Variants in NAV3 observed in about 807,000 individuals in gnomAD.
NAV3 encodes the protein neuron navigator 3, also known as pore membrane and/or filament interacting like protein 1.
NAV3 carries 87 observed loss-of-function variants against 244.7 expected under a neutral mutation model. The ratio of observed to expected loss-of-function variants is 0.36; its 90% CI spans 0.30 to 0.42. The LOEUF is 0.42. Among genes scored for constraint, NAV3 ranks in the 20% least tolerant of loss-of-function variants. The pLI is 1.00. For missense variants in NAV3, 2,663 were observed against 2,893.3 expected, an observed-to-expected ratio of 0.92 and a Z score of 1.83; for synonymous variants, 1,126 against 1,042.2, an observed-to-expected ratio of 1.08 and a Z score of -1.55.
At chr12:78,097,161 A>G (rs1173488062) in intron 12 of NAV3, among the ~76,000 whole-genome samples, 1 of 152,136 alleles carries the variant, frequency 6.6e-6, no homozygotes, top group Non-Finnish European at 1.5e-5. Flanking sequence ...CAATGAGGAG[A>G]CTGCCTGGAA....
At chr12:78,079,316 G>GA (rs563737685) in intron 12 of NAV3, among the ~76,000 whole-genome samples, 202 of 152,018 alleles carry the variant, frequency 1.3e-3, no homozygotes, top group African/African-American at 4.6e-3. Context: ...AAATGCCTTG[G>GA]AAAAAAATAG....
At chr12:78,011,507 G>C (rs1272001665) in intron 8 of NAV3, among the ~76,000 whole-genome samples, 1 of 152,096 alleles carries the variant, frequency 6.6e-6, no homozygotes, top group East Asian at 1.9e-4. Flanking sequence ...GCATCACCAA[G>C]AAGTTAAGAT....
chr12:77,894,109 C>G (rs963752947), intron 1 of NAV3, among the ~76,000 whole-genome samples: 5 of 152,164 alleles, frequency 3.3e-5, no homozygotes, highest in Admixed American at 6.6e-5. Flanking sequence ...TACCTCCTGA[C>G]TTCCAGAAAC....
At chr12:77,625,592 A>T (rs2136893051) in intron 2 of NAV3, among the ~76,000 whole-genome samples, 1 of 152,308 alleles carries the variant, frequency 6.6e-6, no homozygotes, top group African/African-American at 2.4e-5. Flanking sequence ...CCAAGGAATG[A>T]TCCACCTCAT....
intron 1 of NAV3, among the ~76,000 whole-genome samples, chr12:77,921,150 A>G (rs1887674100): frequency 6.6e-6 from 1 of 152,048 alleles, no homozygotes; most frequent in African/African-American, 2.4e-5. Flanking sequence ...TAGGGTAACT[A>G]TTTTGAGGAA....
chr12:77,977,716 A>ACG (rs1565980870), intron 5 of NAV3, among the ~76,000 whole-genome samples: 3 of 138,590 alleles, frequency 2.2e-5, no homozygotes, highest in Non-Finnish European at 3.2e-5. Flanking sequence ...ACACGCGCAC[A>ACG]CACACACACA....
At chr12:77,641,911 A>G (rs559403599) in intron 2 of NAV3, among the ~76,000 whole-genome samples, 8 of 152,250 alleles carry the variant, frequency 5.3e-5, no homozygotes, top group East Asian at 3.9e-4. Flanking sequence ...CATTCTCCCA[A>G]TGAAATGCAT....
intron 17 of NAV3, 107 bp downstream of exon 17, chr12:78,127,315 G>A (rs1955955117): frequency 1.8e-6 from 2 of 1,113,678 alleles, no homozygotes; most frequent in Admixed American, 2.1e-5. Context: ...ATGACATTGA[G>A]GACGAAATCA....
intron 3 of NAV3, among the ~76,000 whole-genome samples, chr12:77,956,970 T>C (rs1891423682): frequency 6.6e-6 from 1 of 152,152 alleles, no homozygotes; most frequent in African/African-American, 2.4e-5. Flanking sequence ...CTCAGACTCC[T>C]GACCTCAGGT....
intron 33 of NAV3, among the ~76,000 whole-genome samples, chr12:78,189,654 A>T (rs1276199603): frequency 6.6e-6 from 1 of 151,750 alleles, no homozygotes; most frequent in Non-Finnish European, 1.5e-5. Context: ...TAACAAAGAT[A>T]ATCATCTTCA....
intron 11 of NAV3, among the ~76,000 whole-genome samples, chr12:78,056,593 G>A (rs1290421188): frequency 6.6e-6 from 1 of 152,090 alleles, no homozygotes; most frequent in Admixed American, 6.6e-5. Context: ...GCTGGGCATG[G>A]TGGTGCACAC....
At chr12:77,774,938 A>C (rs905111578) in intron 2 of NAV3, among the ~76,000 whole-genome samples, 1 of 152,210 alleles carries the variant, frequency 6.6e-6, no homozygotes, top group African/African-American at 2.4e-5. Context: ...GTGTCGTCCC[A>C]TGAGGACCCA....
chr12:77,857,702 A>G (rs1211746565), intron 1 of NAV3, among the ~76,000 whole-genome samples: 2 of 151,936 alleles, frequency 1.3e-5, no homozygotes, highest in Non-Finnish European at 2.9e-5. Flanking sequence ...CCTCAAAAGA[A>G]TTAATGATAT....
chr12:78,025,120 C>A (rs758554076), intron 9 of NAV3, among the ~76,000 whole-genome samples: 4 of 152,176 alleles, frequency 2.6e-5, no homozygotes, highest in African/African-American at 4.8e-5. Context: ...AGCCCCACTT[C>A]TCCACTGGAA....
At chr12:77,953,308 T>G (rs17817928) in intron 3 of NAV3, among the ~76,000 whole-genome samples, 27,184 of 152,110 alleles carry the variant, frequency 0.18, 3,146 homozygotes, top group Admixed American at 0.28. Context: ...AGCATACATG[T>G]GTTTATAGAG....
chr12:77,652,794 C>G (rs1160474815), intron 2 of NAV3, among the ~76,000 whole-genome samples: 2 of 152,322 alleles, frequency 1.3e-5, no homozygotes, highest in South Asian at 2.1e-4. Flanking sequence ...TACTTCAGCA[C>G]TGGCTGGAAA....
chr12:77,948,356 T>C (rs967946761), intron 3 of NAV3, among the ~76,000 whole-genome samples: 11 of 152,008 alleles, frequency 7.2e-5, no homozygotes, highest in African/African-American at 2.7e-4. Context: ...ACAGATTTTT[T>C]CTTTGCTTTT....
intron 2 of NAV3, among the ~76,000 whole-genome samples, chr12:77,794,019 A>G (rs1871297236): frequency 1.3e-5 from 2 of 151,938 alleles, no homozygotes; most frequent in Non-Finnish European, 2.9e-5. Context: ...CACCTTTCCA[A>G]CTGGCATGAG....
At chr12:77,779,672 C>T (rs1870567070) in intron 2 of NAV3, among the ~76,000 whole-genome samples, 1 of 152,022 alleles carries the variant, frequency 6.6e-6, no homozygotes, top group South Asian at 2.1e-4. Context: ...TTTTTATATC[C>T]TTCAGGACAC....
Sources: allele counts gnomAD v4.1 joint callset (sites outside exome capture counted in the v4.1 genomes callset), GRCh38; gene constraint gnomAD v4.1.1; transcripts MANE v1.5; gene names NCBI Gene and HGNC (gene_info 2026-07-23, HGNC 2026-07-21).